The following BEND5 variants were observed in gnomAD, a reference collection of about 807,000 sequenced individuals.
The protein encoded by BEND5 is BEN domain containing 5, also known as BEN domain-containing protein 5.
BEND5 carries 22 observed loss-of-function variants against 43.9 expected under a neutral mutation model. The observed-to-expected ratio is 0.50, with a 90% CI of 0.36 to 0.72. The LOEUF is 0.72. Among genes scored for constraint, BEND5 ranks in the 30% least tolerant of loss-of-function variants. BEND5 has a pLI of 0.00. For missense variants in BEND5, 428 were observed against 550.6 expected, an observed-to-expected ratio of 0.78 and a Z score of 2.23; for synonymous variants, 228 against 225.9, an observed-to-expected ratio of 1.01 and a Z score of -0.08.
At chr1:48,776,568 GC>G in intron 1 of BEND5, 37 bp downstream of exon 1, 1 of 476,942 alleles carries the variant, frequency 2.1e-6, no homozygotes. Flanking sequence ...CCCAGCCCCC[GC>G]CCGGGTCCCA....
At chr1:48,769,094 C>T (rs889852166) in intron 1 of BEND5, among the ~76,000 whole-genome samples, 7 of 152,184 alleles carry the variant, frequency 4.6e-5, no homozygotes, top group Admixed American at 3.9e-4. Context: ...ATGAAGACTA[C>T]AGTAGAAAAC....
chr1:48,729,473 G>C (rs538597603), intron 5 of BEND5, among the ~76,000 whole-genome samples: 113 of 152,280 alleles, frequency 7.4e-4, no homozygotes, highest in South Asian at 1.2e-3. Context: ...AATTGCTATG[G>C]AGAACAAGCA....
intron 1 of BEND5, among the ~76,000 whole-genome samples, chr1:48,761,912 T>C (rs770211111): frequency 3.9e-5 from 6 of 152,144 alleles, no homozygotes; most frequent in Non-Finnish European, 7.4e-5. Context: ...CAAGTGCCAA[T>C]AGACATGAGA....
At chr1:48,744,442 C>T (rs1463491305) in intron 3 of BEND5, among the ~76,000 whole-genome samples, 1 of 152,158 alleles carries the variant, frequency 6.6e-6, no homozygotes, top group Admixed American at 6.5e-5. Context: ...TATATTTCCC[C>T]TAAAGCACAT....
chr1:48,754,462 A>C (rs147063155), intron 3 of BEND5, among the ~76,000 whole-genome samples: 12 of 152,340 alleles, frequency 7.9e-5, no homozygotes, highest in Non-Finnish European at 1.6e-4. Context: ...GAATAAAATA[A>C]ATAATGAATG....
chr1:48,743,310 C>T (rs576572269), intron 3 of BEND5, among the ~76,000 whole-genome samples: 9 of 152,158 alleles, frequency 5.9e-5, no homozygotes, highest in African/African-American at 2.2e-4. Flanking sequence ...CCCCTGATTG[C>T]CTGATCCAGC....
intron 4 of BEND5, among the ~76,000 whole-genome samples, 161 bp downstream of exon 4, chr1:48,742,462 C>T (rs2148596820): frequency 1.3e-5 from 2 of 152,200 alleles, no homozygotes; most frequent in East Asian, 1.9e-4. Context: ...CCCAGCAAAG[C>T]TACGCTACTG....
At chr1:48,759,555 C>T (rs1473773494) in intron 2 of BEND5, among the ~76,000 whole-genome samples, 2 of 152,218 alleles carry the variant, frequency 1.3e-5, no homozygotes, top group Non-Finnish European at 2.9e-5. Flanking sequence ...TTCCTTTTCA[C>T]CACTCTGCCT....
At chr1:48,734,466 C>T (rs959433782) in intron 5 of BEND5, among the ~76,000 whole-genome samples, 1 of 152,198 alleles carries the variant, frequency 6.6e-6, no homozygotes, top group African/African-American at 2.4e-5. Flanking sequence ...TGTGGTCACT[C>T]CATGACTGGA....
rs1417131460 is a variant in BEND5, at chr1:48,762,751, T to A, written c.227-1281A>T. Among the ~76,000 whole-genome samples the A allele has an allele frequency of 2.0e-5, 3 of 152,088 alleles. No individual in the cohort carries two copies. In the East Asian group the frequency reaches 5.8e-4, roughly 29 times the overall value. On this transcript the variant is annotated intron_variant, in intron 1 of 5. Coordinates refer to ENST00000371833, the MANE Select transcript of BEND5 (RefSeq NM_024603.4). ...TTAGTAAAGCTGAGAATGCAGCTTATAAGCACATAACTATTCCAGAATGTA... is the reference window on the plus strand; with the variant it reads ...TTAGTAAAGCTGAGAATGCAGCTTAAAAGCACATAACTATTCCAGAATGTA...
chr1:48,768,457 A>G (rs1295078713), intron 1 of BEND5, among the ~76,000 whole-genome samples: 1 of 152,234 alleles, frequency 6.6e-6, no homozygotes, highest in Non-Finnish European at 1.5e-5. Context: ...TATTAATCTG[A>G]GGAGGATAAA....
At chr1:48,773,859 CAG>C (rs1403096971) in intron 1 of BEND5, among the ~76,000 whole-genome samples, 1 of 152,170 alleles carries the variant, frequency 6.6e-6, no homozygotes, top group African/African-American at 2.4e-5. Flanking sequence ...AGAGGACTAA[CAG>C]AGATAATGTG....
chr1:48,767,342 C>T (rs1464873332), intron 1 of BEND5, among the ~76,000 whole-genome samples: 1 of 152,172 alleles, frequency 6.6e-6, no homozygotes, highest in Non-Finnish European at 1.5e-5. Flanking sequence ...CAATAAATAG[C>T]AGCTGTTAGG....
intron 3 of BEND5, among the ~76,000 whole-genome samples, chr1:48,750,589 T>C (rs1409051644): frequency 6.6e-6 from 1 of 152,156 alleles, no homozygotes; most frequent in Non-Finnish European, 1.5e-5. Context: ...GACTGTGACT[T>C]CTTTAAGGTG....
intron 4 of BEND5, among the ~76,000 whole-genome samples, chr1:48,740,851 G>A (rs772013443): frequency 2.6e-5 from 4 of 152,226 alleles, no homozygotes; most frequent in Non-Finnish European, 4.4e-5. Flanking sequence ...TTTCCAGTGC[G>A]TCCACTTCCT....
chr1:48,746,831 A>G (rs1257539414), intron 3 of BEND5, among the ~76,000 whole-genome samples: 1 of 152,238 alleles, frequency 6.6e-6, no homozygotes, highest in Admixed American at 6.5e-5. Context: ...GCAGGCACAG[A>G]ACAGACAGAA....
rs548809089 is a variant in BEND5 at position 48,776,784 on chromosome 1, C to T, written c.48G>A (p.Leu16=). 1,325 of 1,525,342 alleles carry T rather than the reference C, an allele frequency of 8.7e-4. 2 individuals are homozygous for T. Among genetic ancestry groups the T allele is most frequent in the Middle Eastern group, 3.7e-3 (21 of 5,750 alleles). 94.5% of individuals were successfully genotyped at this position (1,525,342 alleles called of 1,614,324 possible). ...TGAAGTCGCGCACGCACGACACGGG[C>T]AGCGCGTAGCAGACGTTGTCCTCCA... ...RFLEDNVCYA[L]PVSCVRDFSP... The change falls in exon 1 of 6, where the codon CTG becomes CTA. Residue 16 remains leucine (L), a synonymous_variant. Transcript: ENST00000371833.
At chr1:48,741,526 G>A (rs1415150497) in intron 4 of BEND5, among the ~76,000 whole-genome samples, 1 of 152,236 alleles carries the variant, frequency 6.6e-6, no homozygotes, top group Non-Finnish European at 1.5e-5. Context: ...CTTTGCCTCT[G>A]CAGGGGAGGA....
rs1647416969 is a variant in BEND5 at position 48,727,875 on chromosome 1, A to G, written c.*11T>C. On this transcript the variant is annotated 3_prime_UTR_variant, in exon 6 of 6. Coordinates refer to ENST00000371833, the MANE Select transcript of BEND5 (RefSeq NM_024603.4). ...AAGGAAAACACGAAAGCTTTATGAA[A>G]AATCCAAAGTTTATTGCAAATTGTA... 2 of 1,599,642 alleles carry G rather than the reference A, an allele frequency of 1.3e-6. No homozygotes were observed. Among genetic ancestry groups the G allele is most frequent in the Non-Finnish European group, 1.7e-6 (2 of 1,169,340 alleles).
Sources: allele counts gnomAD v4.1 joint callset (sites outside exome capture counted in the v4.1 genomes callset), GRCh38; gene constraint gnomAD v4.1.1; transcripts MANE v1.5; gene names NCBI Gene and HGNC (gene_info 2026-07-23, HGNC 2026-07-21).